Variants in CD96 observed in about 807,000 individuals in gnomAD.
CD96 encodes CD96 molecule, also known as T-cell surface protein tactile.
CD96 carries 70 observed loss-of-function variants against 71.3 expected under a neutral mutation model. The ratio of observed to expected loss-of-function variants is 0.98; its 90% confidence interval spans 0.81 to 1.20. CD96 has a LOEUF of 1.20. CD96 is among the 50% of genes most tolerant of loss of function. The probability of loss-of-function intolerance (pLI) is 0.00; values close to 1 mark genes in which losing one functional copy is unlikely to be tolerated. For synonymous variants in CD96, 248 were observed against 233.0 expected (o/e 1.06, Z -0.59); for missense variants, 742 against 677.5 (o/e 1.10, Z -1.06).
At chr3:111,579,308 C>T in intron 4 of CD96, 74 bp downstream of exon 4, 1 of 846,902 alleles carries the variant, frequency 1.2e-6, no homozygotes, top group East Asian at 2.4e-5. Context: ...AGAGGAAGCA[C>T]CCTATTATGC....
Position 111,637,244 on chromosome 3 carries a change from C to T in CD96, c.1370C>T (p.Ala457Val), listed in dbSNP as rs748438303. The change falls in exon 11 of 14, where the codon GCA becomes GTA. Residue 457 changes from alanine (A) to valine (V), a missense_variant. Physicochemically the swap from Ala to Val is moderately conservative, Grantham distance 64. Transcript: ENST00000352690. Reference sequence around the variant, plus strand: ...ACATACAGTTCATCCCCGTCAGGTGCAGGCTCAACACTTCATGGTGAGTAC... The same window carrying T: ...ACATACAGTTCATCCCCGTCAGGTGTAGGCTCAACACTTCATGGTGAGTAC... ...SETYSSSPSG[A>V]GSTLHDNVFT... 6 of 1,571,366 alleles carry T rather than the reference C, an allele frequency of 3.8e-6. No individual in the cohort carries two copies. Among genetic ancestry groups the T allele is most frequent in the Non-Finnish European group, 5.3e-6 (6 of 1,141,038 alleles).
At chr3:111,606,823 T>G (rs1433709330) in intron 8 of CD96, 31 bp downstream of exon 8, 1 of 1,198,364 alleles carries the variant, frequency 8.3e-7, no homozygotes, top group African/African-American at 1.5e-5. Context: ...AGCTATTGAT[T>G]TAACCAAGCA....
In CD96 at chr3:111,640,185, A is replaced by G. The variant is rs192820805; in HGVS notation, c.1477+2017A>G. 9.8e-5 allele frequency among the ~76,000 whole-genome samples: 15 copies of G among 152,368 alleles called. No homozygotes were observed. The East Asian group carries it at 2.9e-3, about 29-fold the overall frequency. ...AGGAGATTAGTTATTTAAGCTAATCAGAGAGGGACCAGAGAAAGGCGAAGC... is the reference window on the plus strand; with the variant it reads ...AGGAGATTAGTTATTTAAGCTAATCGGAGAGGGACCAGAGAAAGGCGAAGC... On this transcript the variant is annotated intron_variant, in intron 12 of 13. Coordinates refer to ENST00000352690, the MANE Select transcript of CD96 (RefSeq NM_005816.5).
intron 11 of CD96, among the ~76,000 whole-genome samples, chr3:111,637,711 A>C (rs1401957027): frequency 6.6e-6 from 1 of 151,452 alleles, no homozygotes; most frequent in Non-Finnish European, 1.5e-5. Flanking sequence ...ACGACCCCCA[A>C]CTCTGGCCTT....
intron 3 of CD96, among the ~76,000 whole-genome samples, chr3:111,571,401 T>A (rs1000151160): frequency 6.6e-6 from 1 of 151,950 alleles, no homozygotes; most frequent in African/African-American, 2.4e-5. Flanking sequence ...TGCTGTTTGA[T>A]TGTTTAATGA....
chr3:111,649,867 TG>T lies in CD96; in HGVS notation c.*62del. 1 of 1,063,670 alleles carries T rather than the reference TG, an allele frequency of 9.4e-7. No individual in the cohort carries two copies. The highest frequency in any genetic ancestry group is 1.2e-5 in the South Asian group (1 of 80,010). The allele number at this position is 1,063,670 out of a possible 1,614,324, so 65.9% of individuals were successfully genotyped here. ...GGAATCCTATTGAGAAGGTAGACAT[TG>T]TGCTTTATTAATATAGTCGCTCTTC... On this transcript the variant is annotated 3_prime_UTR_variant, in exon 14 of 14. Transcript: ENST00000352690.
chr3:111,643,878 G>C (rs764026974), intron 12 of CD96, among the ~76,000 whole-genome samples: 1 of 152,086 alleles, frequency 6.6e-6, no homozygotes, highest in Non-Finnish European at 1.5e-5. Flanking sequence ...TCATGGATGG[G>C]TATAATCAAT....
At chr3:111,638,677 G>A (rs888036922) in intron 12 of CD96, among the ~76,000 whole-genome samples, 1 of 152,122 alleles carries the variant, frequency 6.6e-6, no homozygotes, top group Non-Finnish European at 1.5e-5. Context: ...TCCTAATGAA[G>A]GTCATGATTG....
chr3:111,621,935 T>G (rs974288166), intron 8 of CD96, among the ~76,000 whole-genome samples: 1 of 152,196 alleles, frequency 6.6e-6, no homozygotes, highest in Non-Finnish European at 1.5e-5. Context: ...TAGTCAATCT[T>G]GTGCAATTTT....
At chr3:111,659,492 G>A (rs1940306736) in intron 14 of CD96, among the ~76,000 whole-genome samples, 1 of 152,064 alleles carries the variant, frequency 6.6e-6, no homozygotes, top group East Asian at 1.9e-4. Flanking sequence ...AAGCATTTAG[G>A]ACTTTAAACT....
intron 2 of CD96, among the ~76,000 whole-genome samples, chr3:111,562,274 G>A (rs1935487583): frequency 6.6e-6 from 1 of 152,130 alleles, no homozygotes; most frequent in Admixed American, 6.5e-5. Flanking sequence ...TTCAACACCT[G>A]GGTCCACCCA....
chr3:111,569,426 A>G (rs1935872041), intron 3 of CD96, among the ~76,000 whole-genome samples: 1 of 152,236 alleles, frequency 6.6e-6, no homozygotes, highest in Non-Finnish European at 1.5e-5. Context: ...TAGGATGAGT[A>G]TAAGTCCATT....
At chr3:111,606,122 C>T (rs776641574) in intron 7 of CD96, among the ~76,000 whole-genome samples, 2 of 152,134 alleles carry the variant, frequency 1.3e-5, no homozygotes, top group Non-Finnish European at 2.9e-5. Context: ...AACACAGACA[C>T]ACGCACGCAC....
intron 2 of CD96, among the ~76,000 whole-genome samples, chr3:111,553,434 C>CTTTTT (rs34837219): frequency 8.7e-6 from 1 of 115,184 alleles, no homozygotes; most frequent in Non-Finnish European, 1.8e-5. Context: ...TTTCTTTTTT[C>CTTTTT]TTTTTTTTTT....
At chr3:111,570,465 C>T (rs946153209) in intron 3 of CD96, among the ~76,000 whole-genome samples, 4 of 152,076 alleles carry the variant, frequency 2.6e-5, no homozygotes, top group African/African-American at 7.2e-5. Context: ...GTGAATTTCT[C>T]TGGGCTCGTG....
chr3:111,563,585 G>T (rs1935560615), intron 2 of CD96, among the ~76,000 whole-genome samples: 1 of 147,646 alleles, frequency 6.8e-6, no homozygotes, highest in Non-Finnish European at 1.5e-5. Context: ...CCCTAAAATT[G>T]TTGTTGTTTT....
intron 2 of CD96, among the ~76,000 whole-genome samples, chr3:111,552,048 A>C (rs573013812): frequency 6.6e-6 from 1 of 152,176 alleles, no homozygotes; most frequent in Admixed American, 6.5e-5. Context: ...TCTAATTATC[A>C]GTGATGTTGA....
intron 2 of CD96, among the ~76,000 whole-genome samples, chr3:111,556,118 T>TAA (rs2107503844): frequency 6.6e-6 from 1 of 152,424 alleles, no homozygotes; most frequent in Admixed American, 6.5e-5. Flanking sequence ...CTTCATTTTA[T>TAA]AGCTTTCTAT....
rs1004282286 is a variant in CD96 at position 111,651,154 on chromosome 3, A to C, written c.*1348A>C. Reference sequence around the variant, plus strand: ...TCTCAAATGATTCACATGTTCAGCCAAAGTTGAGAACCATCGAGCCTGTGG... The same window carrying C: ...TCTCAAATGATTCACATGTTCAGCCCAAGTTGAGAACCATCGAGCCTGTGG... On this transcript the variant is annotated 3_prime_UTR_variant, in exon 14 of 14. Transcript: ENST00000352690. The C allele has an allele frequency of 1.3e-5, 2 of 152,238 alleles. No individual in the cohort carries two copies. Among genetic ancestry groups the C allele is most frequent in the Non-Finnish European group, 2.9e-5 (2 of 68,042 alleles). 9.4% of individuals were successfully genotyped at this position (152,238 alleles called of 1,614,324 possible).
Sources: allele counts gnomAD v4.1 joint callset (sites outside exome capture counted in the v4.1 genomes callset), GRCh38; gene constraint gnomAD v4.1.1; transcripts MANE v1.5; gene names NCBI Gene and HGNC (gene_info 2026-07-23, HGNC 2026-07-21).